The following CCDC146 variants were observed in gnomAD, a reference collection of about 807,000 sequenced individuals.
The protein encoded by CCDC146 is coiled-coil domain-containing protein 146.
Under a neutral mutation model 119.3 loss-of-function variants are expected in CCDC146, and 92 were observed. That is an observed-to-expected ratio of 0.77 (90% CI 0.65 to 0.92). CCDC146 has a LOEUF of 0.92. CCDC146 is among the 40% of genes least tolerant of loss of function. CCDC146 has a pLI of 0.00. For missense variants in CCDC146, 1,000 were observed against 1,103.0 expected, an observed-to-expected ratio of 0.91 and a Z score of 1.32; for synonymous variants, 372 against 371.8, an observed-to-expected ratio of 1.00 and a Z score of -0.01.
Position 77,286,811 on chromosome 7 carries a change from C to T in CCDC146, c.2162C>T (p.Thr721Ile), listed in dbSNP as rs764676534. 1 of 1,613,450 alleles carries T rather than the reference C, an allele frequency of 6.2e-7. No individual in the cohort carries two copies. Among genetic ancestry groups the T allele is most frequent in the South Asian group, 1.1e-5 (1 of 91,060 alleles). ...AVLQIQFSQC[T>I]DRIKDLEKQF... The stretch of plus-strand genomic sequence containing the variant: ...TTTTCTTAATAGTTTTCACAGTGTA[C>T]AGACAGAATTAAAGACCTGGAGAAA... Residue 721 changes from threonine (T) to isoleucine (I), a missense_variant, in exon 16 of 19, where the codon ACA becomes ATA. By Grantham distance (89) the Thr-to-Ile change is moderately conservative (BLOSUM62 -1). Coordinates refer to ENST00000285871, the MANE Select transcript of CCDC146 (RefSeq NM_020879.3).
rs372005233 is a variant in CCDC146, at chr7:77,199,067, TAAAAG to T, written c.156+31245_156+31249del. The T allele has an allele frequency of 1.7e-4, 152 of 911,444 alleles. No individual in the cohort carries two copies. The East Asian group carries it at 3.1e-3, about 19-fold the overall frequency. 56.5% of individuals were successfully genotyped at this position (911,444 alleles called of 1,614,324 possible). On this transcript the variant is annotated intron_variant, in intron 2 of 18. Coordinates refer to ENST00000285871, the MANE Select transcript of CCDC146 (RefSeq NM_020879.3). ...ATTTTTTCCTGTGCACCTTGATAAA[TAAAAG>T]ACTTAATCTGTCATCTATTTAACTT...
chr7:77,167,692 A>G lies in CCDC146; in HGVS notation c.24A>G (p.Thr8=). The change falls in exon 2 of 19, where the codon ACA becomes ACG. Residue 8 remains threonine, a synonymous_variant. Transcript: ENST00000285871. MEDSSTD[T]EKEEEEEKDE... is the part of the protein sequence containing the mutation. ...AAATGGAAGACAGTAGCACAGACAC[A>G]GAAAAAGAAGAGGAAGAGGAGAAAG... 1 of 1,598,598 alleles carries G rather than the reference A, an allele frequency of 6.3e-7. No individual in the cohort carries two copies. The highest frequency in any genetic ancestry group is 1.1e-5 in the South Asian group (1 of 87,932).
chr7:77,150,751 C>T (rs1170373188), intron 1 of CCDC146, among the ~76,000 whole-genome samples: 2 of 152,158 alleles, frequency 1.3e-5, no homozygotes, highest in Admixed American at 6.5e-5. Flanking sequence ...AAGACTTGTA[C>T]TCAAATGTTC....
intron 4 of CCDC146, among the ~76,000 whole-genome samples, chr7:77,248,044 A>C (rs965381402): frequency 5.9e-5 from 9 of 152,250 alleles, no homozygotes; most frequent in African/African-American, 2.2e-4. Flanking sequence ...GTGTCTGTCA[A>C]GAGATTGGAT....
chr7:77,141,145 C>T (rs2117417249), intron 1 of CCDC146, among the ~76,000 whole-genome samples: 1 of 152,274 alleles, frequency 6.6e-6, no homozygotes, highest in South Asian at 2.1e-4. Context: ...GTTCAACTCC[C>T]ACTTATGAGT....
Position 77,179,355 on chromosome 7 carries a change from A to G in CCDC146, c.156+11531A>G, listed in dbSNP as rs182154590. Among the ~76,000 whole-genome samples, 124 of 152,264 alleles carry G rather than the reference A, an allele frequency of 8.1e-4. 1 individual carries two copies. Among genetic ancestry groups the G allele is most frequent in the Middle Eastern group, 6.8e-3 (2 of 294 alleles). On this transcript the variant is annotated intron_variant, in intron 2 of 18. Transcript: ENST00000285871. The stretch of plus-strand genomic sequence containing the variant: ...CAATGAAAAGTCAGCCTTCTACCCC[A>G]TTATACAATCTAAACTCCCCCTCCC...
chr7:77,177,389 A>G (rs968827009), intron 2 of CCDC146, among the ~76,000 whole-genome samples: 24 of 152,234 alleles, frequency 1.6e-4, no homozygotes, highest in Admixed American at 7.9e-4. Context: ...ATGTAAACTT[A>G]CTTTTCAGAA....
intron 7 of CCDC146, 70 bp from the exon 8 acceptor site, chr7:77,259,939 A>AGTGTGT (rs58669153): frequency 2.9e-5 from 22 of 758,156 alleles, no homozygotes; most frequent in Admixed American, 1.0e-4. Context: ...AAATAAGGCA[A>AGTGTGT]GTGTGTGTGT....
At chr7:77,262,941 G>A (rs916708767) in intron 9 of CCDC146, among the ~76,000 whole-genome samples, 4 of 152,226 alleles carry the variant, frequency 2.6e-5, no homozygotes, top group African/African-American at 7.2e-5. Flanking sequence ...AAAGGGCAGA[G>A]GATCCTTGAG....
At chr7:77,206,690 CAT>C (rs755444443) in intron 2 of CCDC146, among the ~76,000 whole-genome samples, 4 of 150,156 alleles carry the variant, frequency 2.7e-5, no homozygotes, top group African/African-American at 4.9e-5. Context: ...CACACACACA[CAT>C]ACATATACAC....
At chr7:77,146,849 C>T (rs200265217) in intron 1 of CCDC146, among the ~76,000 whole-genome samples, 1 of 152,132 alleles carries the variant, frequency 6.6e-6, no homozygotes, top group Non-Finnish European at 1.5e-5. Flanking sequence ...AACATTTTTT[C>T]CTTCATTTCA....
chr7:77,219,371 C>A (rs946263649), intron 2 of CCDC146, among the ~76,000 whole-genome samples: 19 of 152,190 alleles, frequency 1.2e-4, no homozygotes, highest in Non-Finnish European at 1.8e-4. Flanking sequence ...TTTTAAAAAA[C>A]CAAGATAAGC....
chr7:77,129,489 G>A (rs1790752229), intron 1 of CCDC146, among the ~76,000 whole-genome samples: 1 of 151,984 alleles, frequency 6.6e-6, no homozygotes, highest in Non-Finnish European at 1.5e-5. Context: ...TAAGATCTAA[G>A]GTTAGAATGA....
At chr7:77,242,249 AC>A in intron 4 of CCDC146, 1 of 400,980 alleles carries the variant, frequency 2.5e-6, no homozygotes, top group Non-Finnish European at 3.8e-6. Context: ...CTATAGCAGT[AC>A]CAGAGCACGC....
rs772687805 is a variant in CCDC146, at chr7:77,237,021, C to T, written c.231C>T (p.Ala77=). Residue 77 remains alanine (A), a synonymous_variant, in exon 3 of 19, where the codon GCC becomes GCT. Coordinates refer to ENST00000285871, the MANE Select transcript of CCDC146 (RefSeq NM_020879.3). The stretch of plus-strand genomic sequence containing the variant: ...CCAAGTATACCTTGCTGCATGACGC[C>T]GTGATGAGGTATGCAATTTACCAAT... The part of the protein sequence containing the change: ...LKAKYTLLHD[A]VMSTQESEVQ... 4.3e-6 allele frequency: 7 copies of T among 1,613,370 alleles called. No individual in the cohort carries two copies. The highest frequency in any genetic ancestry group is 2.2e-5 in the East Asian group (1 of 44,880).
At chr7:77,132,468 G>A (rs1327488087) in intron 1 of CCDC146, among the ~76,000 whole-genome samples, 12 of 145,614 alleles carry the variant, frequency 8.2e-5, no homozygotes, top group African/African-American at 2.8e-4. Context: ...TATAATCCCA[G>A]CAATTTGGGA....
chr7:77,179,360 A>G (rs1791546449), intron 2 of CCDC146, among the ~76,000 whole-genome samples: 2 of 152,160 alleles, frequency 1.3e-5, no homozygotes, highest in Non-Finnish European at 1.5e-5. Context: ...ACCCCATTAT[A>G]CAATCTAAAC....
At position 77,273,754 on chromosome 7, in the gene CCDC146, G is replaced by T; in HGVS notation, c.1234G>T (p.Glu412Ter). Residue 412 changes from glutamate (E) to a stop codon, truncating the protein, a stop_gained, in exon 10 of 19, where the codon GAA becomes TAA. Transcript: ENST00000285871. LOFTEE classifies it high-confidence loss of function. Reference sequence around the variant, plus strand: ...TGAGAGAAGGCGAGAGCTTCACAAGGAAGTTGAAGTAGCTAAGAGGAATTT... The same window carrying T: ...TGAGAGAAGGCGAGAGCTTCACAAGTAAGTTGAAGTAGCTAAGAGGAATTT... The part of the protein sequence containing the change: ...LSERRRELHK[E>*]VEVAKRNLAQ... 6.2e-7 allele frequency: 1 copy of T among 1,610,792 alleles called. No individual in the cohort carries two copies. The highest frequency in any genetic ancestry group is 1.3e-5 in the African/African-American group (1 of 74,910).
chr7:77,280,737 A>G (rs1224988478), intron 14 of CCDC146, 84 bp downstream of exon 14: 1 of 902,566 alleles, frequency 1.1e-6, no homozygotes, highest in Non-Finnish European at 1.7e-6. Context: ...GACAGTGAAT[A>G]GTGAGGGAAA....
Sources: gnomAD v4.1 joint callset for allele counts (sites outside exome capture counted in the v4.1 genomes callset) on GRCh38, gnomAD v4.1.1 for gene constraint, MANE v1.5 for transcripts, NCBI Gene and HGNC (gene_info 2026-07-23, HGNC 2026-07-21) for gene names.